The following ADAM12 variants were observed in gnomAD, a reference collection of about 807,000 sequenced individuals.
ADAM12 encodes disintegrin and metalloproteinase domain-containing protein 12.
In ADAM12, 70 loss-of-function variants were observed where a neutral mutation model predicts 106.4. That is an observed-to-expected ratio of 0.66 (90% confidence interval 0.54 to 0.80). ADAM12 has a LOEUF of 0.80. Ranked by LOEUF, ADAM12 falls within the 30% of genes least tolerant of loss-of-function variation. The pLI is 0.00. For synonymous variants in ADAM12, 420 were observed against 433.5 expected (o/e 0.97, Z 0.39); for missense variants, 1,010 against 1,171.9 (o/e 0.86, Z 2.02).
At chr10:126,220,664 C>T (rs963089589) in intron 3 of ADAM12, among the ~76,000 whole-genome samples, 2 of 152,224 alleles carry the variant, frequency 1.3e-5, no homozygotes, top group Admixed American at 1.3e-4. Flanking sequence ...TCCTTAGTGT[C>T]CTCCCTTCTC....
In ADAM12 at chr10:126,049,392, G is replaced by T. The variant is rs1225903324; in HGVS notation, c.1778C>A (p.Thr593Asn). The change falls in exon 16 of 23, where the codon ACC becomes AAC. Residue 593 changes from threonine to asparagine, a missense_variant. Thr to Asn is a moderately conservative substitution (Grantham distance 65). Coordinates refer to ENST00000448723, the MANE Select transcript of ADAM12 (RefSeq NM_001288973.2). The surrounding 1 kb of genome is among the most constrained non-coding windows in gnomAD (Gnocchi z 4.4). ...QGGASRPVIG[T>N]NAVSIETNIP... ...GTTTGTTTCTATGGAAACGGCATTG[G>T]TACCAATGACTGGCCGGCTGGCACC... 1.9e-6 allele frequency: 3 copies of T among 1,614,170 alleles called. No individual in the cohort carries two copies. In the Admixed American group the frequency reaches 5.0e-5, roughly 27 times the overall value.
At chr10:126,242,238 C>T (rs768039361) in intron 3 of ADAM12, among the ~76,000 whole-genome samples, 16 of 152,170 alleles carry the variant, frequency 1.1e-4, no homozygotes, top group Non-Finnish European at 2.1e-4. Context: ...AGACTGTTTT[C>T]TCCCCAGACT....
chr10:126,200,642 G>A (rs533082375), intron 3 of ADAM12, among the ~76,000 whole-genome samples: 9 of 152,204 alleles, frequency 5.9e-5, no homozygotes, highest in Admixed American at 3.3e-4. Context: ...GCTCAGTTAC[G>A]GTGCCCAGTG....
intron 3 of ADAM12, among the ~76,000 whole-genome samples, chr10:126,230,379 T>A (rs1024249759): frequency 6.6e-6 from 1 of 152,220 alleles, no homozygotes; most frequent in African/African-American, 2.4e-5. Context: ...CTTTTGCATA[T>A]GCCTTGGGAT....
At chr10:126,321,933 G>A (rs1269070069) in intron 2 of ADAM12, among the ~76,000 whole-genome samples, 1 of 150,058 alleles carries the variant, frequency 6.7e-6, no homozygotes, top group African/African-American at 2.5e-5. Context: ...AACCTCATGT[G>A]CACAACAGCA....
chr10:126,055,301 C>T (rs1254992108), intron 14 of ADAM12, among the ~76,000 whole-genome samples: 2 of 152,304 alleles, frequency 1.3e-5, no homozygotes, highest in East Asian at 1.9e-4. Context: ...GCAGGCAACC[C>T]TGGGCAAAGA....
intron 12 of ADAM12, among the ~76,000 whole-genome samples, chr10:126,069,706 G>A (rs566188463): frequency 1.8e-4 from 28 of 152,298 alleles, no homozygotes; most frequent in Admixed American, 4.6e-4. Flanking sequence ...GTGTGGCCAC[G>A]GTGGTGGCAG....
intron 5 of ADAM12, among the ~76,000 whole-genome samples, chr10:126,129,688 G>A (rs7072539): frequency 0.037 from 5,647 of 152,262 alleles, 210 homozygotes; most frequent in East Asian, 0.1. Context: ...GGAGACATAC[G>A]ATACGGGACA....
chr10:126,071,134 G>C (rs916605933), intron 12 of ADAM12, among the ~76,000 whole-genome samples: 3 of 152,182 alleles, frequency 2.0e-5, no homozygotes, highest in African/African-American at 7.2e-5. Flanking sequence ...AAGAAATGGT[G>C]CTTATTAGCT....
intron 3 of ADAM12, among the ~76,000 whole-genome samples, chr10:126,215,114 C>T (rs1957964821): frequency 6.6e-6 from 1 of 152,234 alleles, no homozygotes; most frequent in African/African-American, 2.4e-5. Context: ...CATACCCACA[C>T]TTCCTGCTCA....
chr10:126,231,407 C>A (rs2133623984), intron 3 of ADAM12, among the ~76,000 whole-genome samples: 1 of 151,538 alleles, frequency 6.6e-6, no homozygotes, highest in South Asian at 2.1e-4. Flanking sequence ...AAAAAAAGCA[C>A]CAGCTATTGG....
chr10:126,338,183 A>G (rs1214724841), intron 1 of ADAM12, among the ~76,000 whole-genome samples: 3 of 151,920 alleles, frequency 2.0e-5, no homozygotes, highest in Non-Finnish European at 4.4e-5. Context: ...CATAAACATA[A>G]CTGTCCATGC....
intron 21 of ADAM12, among the ~76,000 whole-genome samples, chr10:126,025,513 GAA>G (rs879684382): frequency 0.24 from 36,670 of 152,120 alleles, 4,787 homozygotes; most frequent in East Asian, 0.32. Context: ...GGAATGAACA[GAA>G]GGTCTTGAGA....
chr10:126,210,871 C>T (rs61352540), intron 3 of ADAM12, among the ~76,000 whole-genome samples: 38,302 of 152,092 alleles, frequency 0.25, 5,229 homozygotes, highest in African/African-American at 0.35. Context: ...GGAAAGGTTA[C>T]GAGGGTCATT....
At chr10:126,036,068 T>G in intron 21 of ADAM12, 78 bp downstream of exon 21, 1 of 1,266,710 alleles carries the variant, frequency 7.9e-7, no homozygotes, top group Non-Finnish European at 1.0e-6. Flanking sequence ...GTTAAGCAAC[T>G]TATCTAAGCT....
At chr10:126,300,457 C>G (rs1489724892) in intron 2 of ADAM12, among the ~76,000 whole-genome samples, 1 of 152,162 alleles carries the variant, frequency 6.6e-6, no homozygotes, top group Non-Finnish European at 1.5e-5. Context: ...CTCCTAAACC[C>G]TGGCAATAAT....
At position 126,039,278 on chromosome 10, in the gene ADAM12, G is replaced by A; in HGVS notation, c.2240+16C>T. 1.9e-6 allele frequency: 3 copies of A among 1,613,074 alleles called. 1 individual carries two copies. In the South Asian group the frequency reaches 3.3e-5, roughly 18 times the overall value. Reference sequence around the variant, plus strand: ...CCACCATTTCTAGAACAGATGACAAGCTAAACCCAGGGTACCTTAGTTTTT... The same window carrying A: ...CCACCATTTCTAGAACAGATGACAAACTAAACCCAGGGTACCTTAGTTTTT... On this transcript the variant is annotated intron_variant, in intron 19 of 22. Transcript: ENST00000448723.
At chr10:126,195,132 G>A (rs1413764752) in intron 3 of ADAM12, among the ~76,000 whole-genome samples, 1 of 152,150 alleles carries the variant, frequency 6.6e-6, no homozygotes, top group Admixed American at 6.6e-5. Context: ...TGGGTCAAAG[G>A]ACACAAAATT....
At chr10:126,077,077 A>T (rs1010458179) in intron 11 of ADAM12, among the ~76,000 whole-genome samples, 1 of 152,224 alleles carries the variant, frequency 6.6e-6, no homozygotes, top group African/African-American at 2.4e-5. Flanking sequence ...AAATCAATGT[A>T]CAAAAACCAG....
Sources: gnomAD v4.1 joint callset for allele counts (sites outside exome capture counted in the v4.1 genomes callset) on GRCh38, gnomAD v4.1.1 for gene constraint, Gnocchi (gnomAD v3.1) non-coding constraint, MANE v1.5 for transcripts, NCBI Gene and HGNC (gene_info 2026-07-23, HGNC 2026-07-21) for gene names.